PPP1R9A: variants seen among roughly 807,000 people sequenced by gnomAD.
PPP1R9A encodes the protein protein phosphatase 1 regulatory subunit 9A, also known as neurabin-1.
Under a neutral mutation model 141.9 loss-of-function variants are expected in PPP1R9A, and 59 were observed. The observed-to-expected ratio is 0.42, with a 90% CI of 0.34 to 0.52. The LOEUF is 0.52. Ranked by LOEUF, PPP1R9A falls within the 20% of genes least tolerant of loss-of-function variation. The pLI, the probability that PPP1R9A is intolerant of heterozygous loss-of-function variation, is 0.10. For synonymous variants in PPP1R9A, 500 were observed against 569.7 expected, an observed-to-expected ratio of 0.88 and a Z score of 1.74; for missense variants, 1,444 against 1,611.9, an observed-to-expected ratio of 0.90 and a Z score of 1.78.
At chr7:95,077,976 G>T (rs1243413268) in intron 2 of PPP1R9A, among the ~76,000 whole-genome samples, 3 of 139,626 alleles carry the variant, frequency 2.1e-5, no homozygotes, top group Non-Finnish European at 1.5e-5. Flanking sequence ...CTTCTACTCT[G>T]TTTTTTTTTT....
rs776701384 is a variant in PPP1R9A at position 95,201,061 on chromosome 7, T to C, written c.1890+2577T>C. Among the ~76,000 whole-genome samples the C allele has an allele frequency of 1.3e-4, 19 of 149,714 alleles. 1 individual carries two copies. The highest frequency in any genetic ancestry group is 6.6e-5 in the Admixed American group (1 of 15,154). ...TTAAGAGAATTACTGTTTGCGGTGA[T>C]GGAGTTTAGGTTCTATGATTCTTTG... On this transcript the variant is annotated intron_variant, in intron 6 of 19. Transcript: ENST00000433360.
At chr7:94,912,129 GT>G (rs1469827989) in intron 2 of PPP1R9A, among the ~76,000 whole-genome samples, 1 of 152,144 alleles carries the variant, frequency 6.6e-6, no homozygotes, top group African/African-American at 2.4e-5. Flanking sequence ...TTCAAAATTT[GT>G]TACATAGCTT....
At chr7:95,084,098 G>T (rs555177942) in intron 2 of PPP1R9A, among the ~76,000 whole-genome samples, 1 of 152,114 alleles carries the variant, frequency 6.6e-6, no homozygotes, top group East Asian at 1.9e-4. Context: ...TACTTAGATA[G>T]CATGTATATG....
intron 2 of PPP1R9A, among the ~76,000 whole-genome samples, chr7:94,917,115 C>T (rs1306391072): frequency 6.6e-6 from 1 of 151,716 alleles, no homozygotes; most frequent in Non-Finnish European, 1.5e-5. Context: ...TGTGCCCAGC[C>T]GATGGTATAA....
At chr7:95,273,794 T>A in intron 14 of PPP1R9A, 105 bp from the exon 15 acceptor site, 1 of 1,060,850 alleles carries the variant, frequency 9.4e-7, no homozygotes, top group Non-Finnish European at 1.3e-6. Flanking sequence ...TATTTTACAA[T>A]TAGGAATTTA....
chr7:95,021,489 C>G (rs1483367445), intron 2 of PPP1R9A, among the ~76,000 whole-genome samples: 5 of 150,858 alleles, frequency 3.3e-5, no homozygotes, highest in Non-Finnish European at 7.4e-5. Flanking sequence ...TCCCATTTGT[C>G]AATTTTGGCT....
chr7:95,205,784 G>A (rs1348128617), intron 7 of PPP1R9A, among the ~76,000 whole-genome samples: 1 of 152,124 alleles, frequency 6.6e-6, no homozygotes, highest in African/African-American at 2.4e-5. Flanking sequence ...GTAGCACTGT[G>A]TGTATCTCTT....
At chr7:95,198,304 T>C (rs939199704) in intron 5 of PPP1R9A, 45 bp from the exon 6 acceptor site, 2 of 1,526,406 alleles carry the variant, frequency 1.3e-6, no homozygotes, top group Admixed American at 2.2e-5. Context: ...AAACTCCTTT[T>C]TGTTGGAGAG....
rs181127457 is a variant in PPP1R9A, at chr7:95,193,150, G to C, written c.1755-5199G>C. On this transcript the variant is annotated intron_variant, in intron 5 of 19. Transcript: ENST00000433360. ...CTTCTGTGTGCTTTCCATCTGGATC[G>C]TACTTATCAGGATGACATTCTATTA... Among the ~76,000 whole-genome samples the C allele has an allele frequency of 3.3e-5, 5 of 152,184 alleles. 1 individual carries two copies. The highest frequency in any genetic ancestry group is 1.2e-4 in the African/African-American group (5 of 41,562).
At chr7:95,067,402 T>C (rs1390173844) in intron 2 of PPP1R9A, among the ~76,000 whole-genome samples, 1 of 152,188 alleles carries the variant, frequency 6.6e-6, no homozygotes, top group Non-Finnish European at 1.5e-5. Flanking sequence ...ATGAAGCTAA[T>C]ATATTATCTG....
chr7:95,204,861 C>A (rs535814507), intron 7 of PPP1R9A, among the ~76,000 whole-genome samples: 1 of 145,898 alleles, frequency 6.9e-6, no homozygotes, highest in African/African-American at 2.5e-5. Context: ...ACCACACACA[C>A]GACAAACACC....
chr7:95,285,406 A>G (rs1026592643), intron 17 of PPP1R9A, among the ~76,000 whole-genome samples: 1 of 152,234 alleles, frequency 6.6e-6, no homozygotes, highest in Admixed American at 6.5e-5. Flanking sequence ...CAATTCGAAG[A>G]ATTCTGCCAT....
At chr7:95,069,804 G>A (rs566510602) in intron 2 of PPP1R9A, among the ~76,000 whole-genome samples, 1 of 152,216 alleles carries the variant, frequency 6.6e-6, no homozygotes, top group Admixed American at 6.6e-5. Context: ...AGACAGCCAA[G>A]GGGGAAGAGA....
intron 16 of PPP1R9A, among the ~76,000 whole-genome samples, chr7:95,282,858 T>C (rs1225227413): frequency 2.0e-5 from 3 of 152,222 alleles, no homozygotes; most frequent in Admixed American, 6.5e-5. Context: ...TCCCAGTCGA[T>C]CCTCACAATA....
At chr7:94,962,833 C>T (rs573509424) in intron 2 of PPP1R9A, among the ~76,000 whole-genome samples, 25 of 152,184 alleles carry the variant, frequency 1.6e-4, no homozygotes, top group African/African-American at 5.3e-4. Flanking sequence ...GAGTCAAGCT[C>T]GCATATTAAC....
Position 95,269,264 on chromosome 7 carries a change from T to G in PPP1R9A, c.2881T>G (p.Leu961Val), listed in dbSNP as rs1406000365. ...HITKLLPPKG[L>V]RTSSPESDSG... ...TACCAAATTACTTCCACCTAAGGGTTTGAGAACGTCTTCTCCAGAATCAGA... is the reference window on the plus strand; with the variant it reads ...TACCAAATTACTTCCACCTAAGGGTGTGAGAACGTCTTCTCCAGAATCAGA... The change falls in exon 14 of 20, where the codon TTG becomes GTG. Residue 961 changes from leucine (L) to valine (V), a missense_variant. Around this residue, in one of 5 missense-constraint regions of PPP1R9A, gnomAD observed 459 missense variants for 513.8 expected, o/e 0.89. Transcript: ENST00000433360. 1 of 1,577,194 alleles carries G rather than the reference T, an allele frequency of 6.3e-7. No individual in the cohort carries two copies. Among genetic ancestry groups the G allele is most frequent in the Middle Eastern group, 1.7e-4 (1 of 6,000 alleles).
intron 7 of PPP1R9A, among the ~76,000 whole-genome samples, chr7:95,215,626 A>G (rs1196740420): frequency 6.6e-6 from 1 of 152,130 alleles, no homozygotes; most frequent in Admixed American, 6.5e-5. Context: ...CATCCTCTCC[A>G]GCACCTTTTG....
Position 94,910,683 on chromosome 7 carries a change from C to T in PPP1R9A, c.570C>T (p.Ser190=), listed in dbSNP as rs763690549. ...SNRGSTDSLD[S]LSSRTEAVSP... ...GAGGCAGTACTGATTCCTTGGACAG[C>T]CTTAGCTCCCGAACTGAGGCTGTCT... Residue 190 remains serine (S), a synonymous_variant, in exon 2 of 20, where the codon AGC becomes AGT. Coordinates refer to ENST00000433360, the MANE Select transcript of PPP1R9A (RefSeq NM_001166160.2). The surrounding 1 kb of genome is among the most constrained non-coding windows in gnomAD (Gnocchi z 4.5). 2 of 1,614,028 alleles carry T rather than the reference C, an allele frequency of 1.2e-6. No individual in the cohort carries two copies. The highest frequency in any genetic ancestry group is 2.2e-5 in the South Asian group (2 of 91,078).
At chr7:95,155,134 GAC>G (rs1829376357) in intron 4 of PPP1R9A, 1 of 150,382 alleles carries the variant, frequency 6.6e-6, no homozygotes, top group African/African-American at 2.4e-5. Context: ...ACTTGTAGTA[GAC>G]TAGCATCACA....
Sources: gnomAD v4.1 joint callset for allele counts (sites outside exome capture counted in the v4.1 genomes callset) on GRCh38, gnomAD v4.1.1 for gene constraint, gnomAD v4.1.1 regional missense constraint, Gnocchi (gnomAD v3.1) non-coding constraint, MANE v1.5 for transcripts, NCBI Gene and HGNC (gene_info 2026-07-23, HGNC 2026-07-21) for gene names.